The following MYO3B variants were observed in gnomAD, a reference collection of about 807,000 sequenced individuals.
MYO3B encodes the protein myosin-IIIb.
Under a neutral mutation model 174.6 loss-of-function variants are expected in MYO3B, and 156 were observed. The ratio of observed to expected loss-of-function variants is 0.89; its 90% CI spans 0.78 to 1.02. The LOEUF is 1.02. Among genes scored for constraint, MYO3B ranks in the 50% least tolerant of loss-of-function variants. The pLI is 0.00. For synonymous variants in MYO3B, 563 were observed against 569.1 expected (o/e 0.99, Z 0.15); for missense variants, 1,632 against 1,639.4 (o/e 1.00, Z 0.08).
intron 25 of MYO3B, among the ~76,000 whole-genome samples, chr2:170,491,260 GTACT>G (rs1357854728): frequency 6.6e-6 from 1 of 151,906 alleles, no homozygotes; most frequent in Non-Finnish European, 1.5e-5. Context: ...TTAATTTAAA[GTACT>G]TTCCAATTTT....
intron 32 of MYO3B, among the ~76,000 whole-genome samples, chr2:170,562,740 T>C (rs1183297876): frequency 6.6e-6 from 1 of 152,212 alleles, no homozygotes; most frequent in Non-Finnish European, 1.5e-5. Flanking sequence ...AAGAAAGTAT[T>C]TTTCAAACAT....
intron 23 of MYO3B, among the ~76,000 whole-genome samples, chr2:170,451,594 TAA>T (rs1474091058): frequency 3.9e-5 from 6 of 152,248 alleles, no homozygotes; most frequent in Admixed American, 6.5e-5. Context: ...AACAAAAACT[TAA>T]AGTTTCTATT....
At chr2:170,235,325 C>G (rs779069375) in intron 6 of MYO3B, among the ~76,000 whole-genome samples, 1 of 152,210 alleles carries the variant, frequency 6.6e-6, no homozygotes, top group Non-Finnish European at 1.5e-5. Flanking sequence ...TAAAAACATT[C>G]CTCCACAGGG....
chr2:170,489,634 G>GGTGTGT lies in MYO3B; in HGVS notation c.3015-8929_3015-8924dup, dbSNP rs369174830. ...TCTCCAGAGAAACAAAACCAGTAGGGGTGTGTGTGTGTGTGTGTGTGTGTG... is the reference window on the plus strand; with the variant it reads ...TCTCCAGAGAAACAAAACCAGTAGGGGTGTGTGTGTGTGTGTGTGTGTGTGTGTGTG... On this transcript the variant is annotated intron_variant, in intron 25 of 34. Transcript: ENST00000408978. Among the ~76,000 whole-genome samples, 795 of 139,364 alleles carry GGTGTGT rather than the reference G, an allele frequency of 5.7e-3. 15 individuals carry two copies. The highest frequency in any genetic ancestry group is 0.019 in the African/African-American group (678 of 35,706). The allele number at this position is 139,364 out of a possible 152,430, so 91.4% of individuals were successfully genotyped here.
chr2:170,562,848 A>G (rs913143394), intron 32 of MYO3B, among the ~76,000 whole-genome samples: 11 of 152,186 alleles, frequency 7.2e-5, no homozygotes, highest in African/African-American at 2.7e-4. Flanking sequence ...TCTACCCACT[A>G]AAAGTGTTTT....
In MYO3B at chr2:170,499,719, T is replaced by G; in HGVS notation, c.3200T>G (p.Leu1067Arg). The change falls in exon 27 of 35, where the codon CTG (leucine) becomes CGG (arginine). Residue 1067 changes from leucine (L) to arginine (R), a missense_variant. Transcript: ENST00000408978. Reference protein sequence around the residue: ...LREVIGRVVVLQAYTKGWLGA... With the variant: ...LREVIGRVVVRQAYTKGWLGA... ...GAAGTCATAGGCAGAGTGGTTGTGCTGCAGGCATATACCAAGGGGTGGCTT... is the reference window on the plus strand; with the variant it reads ...GAAGTCATAGGCAGAGTGGTTGTGCGGCAGGCATATACCAAGGGGTGGCTT... The G allele has an allele frequency of 1.2e-6, 2 of 1,614,130 alleles. No homozygotes were observed. Among genetic ancestry groups the G allele is most frequent in the Non-Finnish European group, 1.7e-6 (2 of 1,179,990 alleles).
intron 7 of MYO3B, among the ~76,000 whole-genome samples, chr2:170,283,997 T>A (rs2093534805): frequency 6.6e-6 from 1 of 152,214 alleles, no homozygotes; most frequent in Non-Finnish European, 1.5e-5. Context: ...GAGCAGCTCT[T>A]ATGAATTCTT....
At chr2:170,345,431 G>A (rs978291382) in intron 8 of MYO3B, among the ~76,000 whole-genome samples, 2 of 152,082 alleles carry the variant, frequency 1.3e-5, no homozygotes, top group Non-Finnish European at 2.9e-5. Context: ...GTCATCAAAT[G>A]CATAATATTT....
chr2:170,380,681 C>A (rs1394044809), intron 9 of MYO3B, among the ~76,000 whole-genome samples: 1 of 152,136 alleles, frequency 6.6e-6, no homozygotes, highest in Non-Finnish European at 1.5e-5. Context: ...GATTATCAAA[C>A]AAGATTTTTA....
intron 6 of MYO3B, among the ~76,000 whole-genome samples, chr2:170,225,479 G>A (rs748311180): frequency 1.5e-4 from 23 of 152,184 alleles, no homozygotes; most frequent in Non-Finnish European, 2.9e-4. Flanking sequence ...GAAGGAAAAT[G>A]TAATATTTCA....
chr2:170,402,115 C>A (rs1162649088), intron 18 of MYO3B, among the ~76,000 whole-genome samples: 2 of 152,180 alleles, frequency 1.3e-5, no homozygotes, highest in Non-Finnish European at 2.9e-5. Flanking sequence ...GGTTCGCACC[C>A]AAACTCTACA....
intron 25 of MYO3B, among the ~76,000 whole-genome samples, chr2:170,496,623 A>T (rs1333316103): frequency 6.7e-6 from 1 of 148,358 alleles, no homozygotes; most frequent in Admixed American, 6.8e-5. Context: ...TATAATATAT[A>T]TAATACATAT....
chr2:170,453,553 G>A (rs535867370), intron 23 of MYO3B, among the ~76,000 whole-genome samples: 1 of 151,978 alleles, frequency 6.6e-6, no homozygotes, highest in South Asian at 2.1e-4. Flanking sequence ...CCAGGTTTCT[G>A]GGCTCCCTTT....
chr2:170,548,167 G>T (rs557667880), intron 32 of MYO3B, among the ~76,000 whole-genome samples: 1 of 150,502 alleles, frequency 6.6e-6, no homozygotes, highest in South Asian at 2.1e-4. Context: ...GCTTGAGGGT[G>T]GTGAGCCAGT....
chr2:170,321,997 C>T (rs1309920755), intron 7 of MYO3B, among the ~76,000 whole-genome samples: 7 of 151,826 alleles, frequency 4.6e-5, no homozygotes, highest in Non-Finnish European at 7.4e-5. Context: ...GCCTGTAATC[C>T]CAGGTACTCA....
intron 23 of MYO3B, among the ~76,000 whole-genome samples, chr2:170,459,778 C>T (rs770964339): frequency 2.6e-5 from 4 of 152,252 alleles, no homozygotes; most frequent in Admixed American, 2.0e-4. Context: ...GAGCCCTGCC[C>T]CACGGGGAAG....
At chr2:170,384,251 T>C (rs995729663) in intron 12 of MYO3B, among the ~76,000 whole-genome samples, 3 of 152,138 alleles carry the variant, frequency 2.0e-5, no homozygotes, top group Non-Finnish European at 4.4e-5. Context: ...ACAGTGACCA[T>C]GCACCACACC....
At chr2:170,216,605 A>T (rs1292465437) in intron 5 of MYO3B, among the ~76,000 whole-genome samples, 1 of 152,204 alleles carries the variant, frequency 6.6e-6, no homozygotes, top group Non-Finnish European at 1.5e-5. Context: ...GCCCCAGATA[A>T]TGTTATTAGT....
intron 32 of MYO3B, among the ~76,000 whole-genome samples, chr2:170,548,536 G>C (rs1276416427): frequency 1.3e-5 from 2 of 152,162 alleles, no homozygotes; most frequent in Admixed American, 1.3e-4. Context: ...GTGAGTGGGA[G>C]AGTGGCATGA....
Sources: gnomAD v4.1 joint callset for allele counts (sites outside exome capture counted in the v4.1 genomes callset) on GRCh38, gnomAD v4.1.1 for gene constraint, MANE v1.5 for transcripts, NCBI Gene and HGNC (gene_info 2026-07-23, HGNC 2026-07-21) for gene names.